Variants in RBM33 observed in about 807,000 individuals in gnomAD.
The protein encoded by RBM33 is RNA-binding protein 33.
A neutral mutation model predicts 132.6 loss-of-function variants in RBM33; 28 were observed. That is an observed-to-expected ratio of 0.21 (90% CI 0.16 to 0.29). RBM33 has a LOEUF of 0.29. Ranked by LOEUF, RBM33 falls within the 10% of genes least tolerant of loss-of-function variation. The probability of loss-of-function intolerance (pLI) is 1.00; values close to 1 mark genes in which losing one functional copy is unlikely to be tolerated. For synonymous variants in RBM33, 634 were observed against 593.0 expected (o/e 1.07, Z -1.01); for missense variants, 1,291 against 1,518.5 (o/e 0.85, Z 2.49).
At chr7:155,661,146 A>ATATATTTTTTTTT (rs1421586760) in intron 1 of RBM33, among the ~76,000 whole-genome samples, 9 of 81,180 alleles carry the variant, frequency 1.1e-4, no homozygotes, top group Non-Finnish European at 2.3e-4. Flanking sequence ...ATATATATAT[A>ATATATTTTTTTTT]TTTTTTTTTT....
At chr7:155,664,940 A>C (rs924107301) in intron 1 of RBM33, among the ~76,000 whole-genome samples, 2 of 150,060 alleles carry the variant, frequency 1.3e-5, no homozygotes, top group African/African-American at 2.5e-5. Context: ...AAAACCTGTT[A>C]GTGATTTTTC....
At chr7:155,693,232 T>G (rs763967567) in intron 5 of RBM33, among the ~76,000 whole-genome samples, 3 of 152,186 alleles carry the variant, frequency 2.0e-5, no homozygotes, top group Non-Finnish European at 4.4e-5. Context: ...TTTTTAAATA[T>G]GAAAAGACAG....
chr7:155,767,307 C>T (rs754734198), intron 16 of RBM33, among the ~76,000 whole-genome samples: 29 of 152,236 alleles, frequency 1.9e-4, no homozygotes, highest in South Asian at 4.1e-4. Context: ...CTGGCCTCCC[C>T]GTCAGGTGCC....
intron 5 of RBM33, among the ~76,000 whole-genome samples, chr7:155,690,627 A>T (rs1180397638): frequency 1.3e-5 from 2 of 152,054 alleles, no homozygotes; most frequent in Admixed American, 1.3e-4. Flanking sequence ...TTCCACGTTT[A>T]CTGCTTTCTT....
At chr7:155,768,860 G>A (rs59263676) in intron 16 of RBM33, among the ~76,000 whole-genome samples, 2,038 of 152,146 alleles carry the variant, frequency 0.013, 53 homozygotes, top group African/African-American at 0.047. Context: ...TGATCCGCCC[G>A]CCTCAGCCTC....
intron 14 of RBM33, 88 bp from the exon 15 acceptor site, chr7:155,763,724 C>T (rs1416691208): frequency 8.1e-6 from 10 of 1,230,514 alleles, no homozygotes; most frequent in African/African-American, 3.0e-5. Context: ...TGTGGGTGAA[C>T]ACTGGCTGAG....
rs140804589 is a variant in RBM33 at position 155,749,354 on chromosome 7, T to C, written c.2979+3752T>C. ...ACTCACAACATCCTTCTGAGGCGAG[T>C]GCGTTGAATCTCAAAGAGGCTACGT... On this transcript the variant is annotated intron_variant, in intron 14 of 17. Transcript: ENST00000401878. Among the ~76,000 whole-genome samples, 32 of 152,202 alleles carry C rather than the reference T, an allele frequency of 2.1e-4. No individual in the cohort carries two copies. The East Asian group carries it at 6.2e-3, about 29-fold the overall frequency.
chr7:155,684,998 T>A (rs1799434571), intron 5 of RBM33: 2 of 1,550,380 alleles, frequency 1.3e-6, no homozygotes, highest in Admixed American at 3.9e-5. Flanking sequence ...ACTGTGTGGC[T>A]GAAGATGAAT....
chr7:155,774,487 C>CT lies in RBM33; in HGVS notation c.3376-70dup, dbSNP rs1409390595. 1 of 1,128,224 alleles carries CT rather than the reference C, an allele frequency of 8.9e-7. No individual in the cohort carries two copies. The highest frequency in any genetic ancestry group is 1.6e-5 in the African/African-American group (1 of 63,798). The allele number at this position is 1,128,224 out of a possible 1,614,324, so 69.9% of individuals were successfully genotyped here. On this transcript the variant is annotated intron_variant, in intron 16 of 17. Coordinates refer to ENST00000401878, the MANE Select transcript of RBM33 (RefSeq NM_053043.3). This position sits in a 1 kb window ranked among gnomAD's most constrained non-coding sequence, Gnocchi z 4.2. ...TCATTTTGTGTTAAAACTAATAATG[C>CT]TTAAATATATATATTCATATTTTTT...
chr7:155,707,124 CTTTT>C, intron 7 of RBM33, 56 bp downstream of exon 7: 3 of 1,353,358 alleles, frequency 2.2e-6, no homozygotes, highest in Non-Finnish European at 2.0e-6. Flanking sequence ...TGGCAGTAAG[CTTTT>C]GTGGGTATCC....
At chr7:155,742,352 C>A (rs1281677044) in intron 13 of RBM33, among the ~76,000 whole-genome samples, 3 of 151,808 alleles carry the variant, frequency 2.0e-5, no homozygotes, top group African/African-American at 7.3e-5. Context: ...TTGATATATA[C>A]CGGGGCTTAA....
At chr7:155,771,486 C>T (rs928873409) in intron 16 of RBM33, among the ~76,000 whole-genome samples, 2 of 152,182 alleles carry the variant, frequency 1.3e-5, no homozygotes, top group Admixed American at 6.5e-5. Context: ...AAAACCAAGG[C>T]ATTCCTCTGA....
chr7:155,652,917 A>C (rs886150492), intron 1 of RBM33, among the ~76,000 whole-genome samples: 1 of 152,216 alleles, frequency 6.6e-6, no homozygotes, highest in Non-Finnish European at 1.5e-5. Context: ...GAATATATTA[A>C]GAATATAAAC....
intron 3 of RBM33, among the ~76,000 whole-genome samples, chr7:155,675,785 G>C (rs1799169325): frequency 1.3e-5 from 2 of 152,116 alleles, no homozygotes; most frequent in Admixed American, 6.5e-5. Flanking sequence ...AACATTTAAT[G>C]GTTCTTGTCT....
At chr7:155,734,307 T>C (rs1563166205) in intron 9 of RBM33, among the ~76,000 whole-genome samples, 1 of 152,208 alleles carries the variant, frequency 6.6e-6, no homozygotes, top group Non-Finnish European at 1.5e-5. Context: ...CTCTGTTGAA[T>C]TGAAATCAGC....
chr7:155,760,574 C>A (rs1175757166), intron 14 of RBM33, among the ~76,000 whole-genome samples: 1 of 152,184 alleles, frequency 6.6e-6, no homozygotes, highest in African/African-American at 2.4e-5. Context: ...TTATGAATCT[C>A]ATACTAAGAT....
At chr7:155,662,177 C>T (rs1038426377) in intron 1 of RBM33, among the ~76,000 whole-genome samples, 2 of 152,126 alleles carry the variant, frequency 1.3e-5, no homozygotes, top group African/African-American at 4.8e-5. Flanking sequence ...TTGATTGTCT[C>T]TCTCTGAGCA....
At chr7:155,678,323 C>G (rs1387889512) in intron 3 of RBM33, among the ~76,000 whole-genome samples, 2 of 152,118 alleles carry the variant, frequency 1.3e-5, no homozygotes, top group African/African-American at 4.8e-5. Flanking sequence ...TCGTAAGCTT[C>G]CACCAATGGA....
chr7:155,704,250 G>GT (rs1375646150), intron 6 of RBM33, among the ~76,000 whole-genome samples: 1 of 152,148 alleles, frequency 6.6e-6, no homozygotes, highest in East Asian at 1.9e-4. Flanking sequence ...TTTCATCTAG[G>GT]TTAAGATCTT....
Sources: allele counts gnomAD v4.1 joint callset (sites outside exome capture counted in the v4.1 genomes callset), GRCh38; gene constraint gnomAD v4.1.1; non-coding constraint Gnocchi (gnomAD v3.1); transcripts MANE v1.5; gene names NCBI Gene and HGNC (gene_info 2026-07-23, HGNC 2026-07-21).